Variants in TM9SF4 observed in about 807,000 individuals in gnomAD.
The protein encoded by TM9SF4 is dinucleotide oxidase disulfide thiol exchanger 3 superfamily member 4.
A neutral mutation model predicts 90.4 loss-of-function variants in TM9SF4; 26 were observed. That is an observed-to-expected ratio of 0.29 (90% CI 0.21 to 0.40). TM9SF4 has a LOEUF of 0.40. Ranked by LOEUF, TM9SF4 falls within the 10% of genes least tolerant of loss-of-function variation. TM9SF4 has a pLI of 1.00. For missense variants in TM9SF4, 549 were observed against 834.8 expected, an observed-to-expected ratio of 0.66 and a Z score of 4.22; for synonymous variants, 293 against 315.4, an observed-to-expected ratio of 0.93 and a Z score of 0.75.
intron 3 of TM9SF4, among the ~76,000 whole-genome samples, chr20:32,138,774 G>C (rs1014499284): frequency 6.6e-6 from 1 of 152,234 alleles, no homozygotes. Flanking sequence ...TTGGTCTGCA[G>C]CCCTGTTCCT....
chr20:32,165,562 C>A lies in TM9SF4; in HGVS notation c.*118C>A, dbSNP rs2047088446. On this transcript the variant is annotated 3_prime_UTR_variant, in exon 18 of 18. Coordinates refer to ENST00000398022, the MANE Select transcript of TM9SF4 (RefSeq NM_014742.4). ...CTCGTTTGGAATGTAACTCCTGGCA[C>A]AGTGTTCCTGGATCCTGGGGCTGCG... 9 of 1,274,840 alleles carry A rather than the reference C, an allele frequency of 7.1e-6. No homozygotes were observed. The Admixed American group carries it at 8.4e-5, about 12-fold the overall frequency. The allele number at this position is 1,274,840 out of a possible 1,614,324, so 79.0% of individuals were successfully genotyped here. A position where few individuals can be genotyped will look rare whatever the true frequency, so the allele number is the denominator to read the frequency against.
chr20:32,136,821 A>G (rs944250423), intron 3 of TM9SF4: 9 of 470,556 alleles, frequency 1.9e-5, no homozygotes, highest in African/African-American at 1.2e-4. Context: ...AAAAGCATGG[A>G]AAGGTGTCTC....
At position 32,146,807 on chromosome 20, in the gene TM9SF4, T is replaced by G; in HGVS notation, c.906T>G (p.Ile302Met). 1 of 1,614,084 alleles carries G rather than the reference T, an allele frequency of 6.2e-7. No homozygotes were observed. The highest frequency in any genetic ancestry group is 8.5e-7 in the Non-Finnish European group (1 of 1,179,992). The part of the protein sequence containing the change: ...FLSGILSMII[I>M]RTLRKDIANY... The stretch of plus-strand genomic sequence containing the variant: ...CAGGTATCCTGAGCATGATTATCAT[T>G]CGGACCCTCCGGAAGGACATTGCCA... Residue 302 changes from isoleucine (I) to methionine (M), a missense_variant, in exon 9 of 18, where the codon ATT (isoleucine) becomes ATG (methionine). Physicochemically the swap from Ile to Met is conservative, Grantham distance 10. This residue lies in a region of TM9SF4 where 495 missense variants were observed against 711.7 expected (regional missense o/e 0.70). Transcript: ENST00000398022.
intron 1 of TM9SF4, 136 bp downstream of exon 1, chr20:32,109,891 G>A: frequency 1.3e-6 from 2 of 1,495,248 alleles, no homozygotes; most frequent in African/African-American, 1.4e-5. Context: ...CCTCTGACTG[G>A]GCTTGTCTTC....
intron 1 of TM9SF4, among the ~76,000 whole-genome samples, chr20:32,115,680 G>A (rs1468902508): frequency 6.6e-6 from 1 of 151,984 alleles, no homozygotes; most frequent in Non-Finnish European, 1.5e-5. Context: ...CTCTGACACT[G>A]TGATTACTTT....
chr20:32,165,535 T>G lies in TM9SF4; in HGVS notation c.*91T>G. The stretch of plus-strand genomic sequence containing the variant: ...CAGGCACGCAAAATAAAATAACTCC[T>G]GCTCGTTTGGAATGTAACTCCTGGC... On this transcript the variant is annotated 3_prime_UTR_variant, in exon 18 of 18. Coordinates refer to ENST00000398022, the MANE Select transcript of TM9SF4 (RefSeq NM_014742.4). 2 of 1,468,850 alleles carry G rather than the reference T, an allele frequency of 1.4e-6. No individual in the cohort carries two copies. Among genetic ancestry groups the G allele is most frequent in the Non-Finnish European group, 1.9e-6 (2 of 1,066,466 alleles). 91.0% of individuals were successfully genotyped at this position (1,468,850 alleles called of 1,614,324 possible).
intron 5 of TM9SF4, 87 bp downstream of exon 5, chr20:32,141,982 G>A: frequency 6.3e-7 from 1 of 1,576,726 alleles, no homozygotes; most frequent in Non-Finnish European, 8.6e-7. Flanking sequence ...GTGGGGCTCG[G>A]CCACAGCAAG....
At chr20:32,164,376 G>A (rs747784278) in intron 17 of TM9SF4, among the ~76,000 whole-genome samples, 35 of 152,158 alleles carry the variant, frequency 2.3e-4, no homozygotes, top group Non-Finnish European at 2.8e-4. Context: ...GCTGGGTGTG[G>A]TGGCACACAC....
chr20:32,116,357 AAGCCTGCTGCTTGGGCTAGCTG>A (rs2046222620), intron 1 of TM9SF4: 1 of 152,228 alleles, frequency 6.6e-6, no homozygotes, highest in Non-Finnish European at 1.5e-5. Flanking sequence ...TGAGCTATCT[AAGCCTGCTGCTTGGGCTAGCTG>A]AGAGTTCTTT....
chr20:32,135,068 G>T (rs2046576093), intron 2 of TM9SF4, among the ~76,000 whole-genome samples: 1 of 152,182 alleles, frequency 6.6e-6, no homozygotes, highest in Non-Finnish European at 1.5e-5. Context: ...TTCCTAAATA[G>T]TAAAGGTAGT....
intron 1 of TM9SF4, among the ~76,000 whole-genome samples, chr20:32,118,635 ATT>A (rs1555881208): frequency 7.8e-6 from 1 of 128,042 alleles, no homozygotes; most frequent in African/African-American, 2.9e-5. Context: ...TTATTTATTT[ATT>A]TATTTATTTT....
In TM9SF4 at chr20:32,165,375, G is replaced by A. The variant is rs757246680; in HGVS notation, c.1860G>A (p.Thr620=). ...ALMVLSFWLL[T]GTIGFYAAYM... is the part of the protein sequence containing the mutation. Reference sequence around the variant, plus strand: ...TGGTCTTGTCCTTCTGGCTGCTAACGGGTACCATCGGCTTCTATGCAGCCT... The same window carrying A: ...TGGTCTTGTCCTTCTGGCTGCTAACAGGTACCATCGGCTTCTATGCAGCCT... Residue 620 remains threonine (T), a synonymous_variant, in exon 18 of 18, where the codon ACG becomes ACA. Coordinates refer to ENST00000398022, the MANE Select transcript of TM9SF4 (RefSeq NM_014742.4). The A allele has an allele frequency of 2.5e-6, 4 of 1,614,200 alleles. No homozygotes were observed. The highest frequency in any genetic ancestry group is 3.4e-6 in the Non-Finnish European group (4 of 1,180,040).
chr20:32,140,320 G>A (rs1411343810), intron 3 of TM9SF4, among the ~76,000 whole-genome samples: 1 of 152,168 alleles, frequency 6.6e-6, no homozygotes, highest in Non-Finnish European at 1.5e-5. Context: ...GAGGCAAAAG[G>A]CACACAAGGG....
At chr20:32,146,982 C>CTT (rs11476027) in intron 9 of TM9SF4, 127 bp downstream of exon 9, 3,893 of 579,336 alleles carry the variant, frequency 6.7e-3, no homozygotes, top group Non-Finnish European at 7.5e-3. Context: ...GTTTAGTATA[C>CTT]TTTTTTTTTT....
In TM9SF4 at chr20:32,110,953, GAATGACAAGGAAGACTCAGAGAAAAGGA is replaced by G. The variant is rs1473325971; in HGVS notation, c.15+1206_15+1233del. Among the ~76,000 whole-genome samples, 10 of 152,334 alleles carry G rather than the reference GAATGACAAGGAAGACTCAGAGAAAAGGA, an allele frequency of 6.6e-5. 1 individual carries two copies. In the South Asian group the frequency reaches 2.1e-3, roughly 32 times the overall value. On this transcript the variant is annotated intron_variant, in intron 1 of 17. Transcript: ENST00000398022. The stretch of plus-strand genomic sequence containing the variant: ...CAGCAGATAATTTCGTCCGGGGAGT[GAATGACAAGGAAGACTCAGAGAAAAGGA>G]AATGACATTTGACTTTAGCAAAGGA...
chr20:32,155,338 G>A (rs1224018445), intron 13 of TM9SF4, 152 bp downstream of exon 13: 1 of 726,066 alleles, frequency 1.4e-6, no homozygotes, highest in African/African-American at 1.7e-5. Context: ...GGGCCAGCTG[G>A]GGTTTCCCCA....
At chr20:32,143,899 T>C (rs1248173928) in intron 6 of TM9SF4, among the ~76,000 whole-genome samples, 1 of 152,120 alleles carries the variant, frequency 6.6e-6, no homozygotes, top group Non-Finnish European at 1.5e-5. Flanking sequence ...GCTCCCCCAC[T>C]GGCTCTTCAA....
intron 1 of TM9SF4, among the ~76,000 whole-genome samples, chr20:32,114,049 C>G (rs768537731): frequency 1.3e-5 from 2 of 152,194 alleles, no homozygotes; most frequent in Non-Finnish European, 2.9e-5. Flanking sequence ...TTGTTTATCA[C>G]TCATCAGTTG....
intron 8 of TM9SF4, among the ~76,000 whole-genome samples, chr20:32,146,493 A>G (rs897171775): frequency 2.8e-4 from 43 of 152,106 alleles, no homozygotes; most frequent in Non-Finnish European, 4.3e-4. Flanking sequence ...ATGAGCTGAG[A>G]AGTCAGTAGG....
Sources: gnomAD v4.1 joint callset for allele counts (sites outside exome capture counted in the v4.1 genomes callset) on GRCh38, gnomAD v4.1.1 for gene constraint, gnomAD v4.1.1 regional missense constraint, MANE v1.5 for transcripts, NCBI Gene and HGNC (gene_info 2026-07-23, HGNC 2026-07-21) for gene names.